Variants in LMO4 observed in about 807,000 individuals in gnomAD.
LMO4 encodes the protein LIM domain transcription factor LMO4.
In LMO4, 3 loss-of-function variants were observed where a neutral mutation model predicts 18.5. That is an observed-to-expected ratio of 0.16 (90% CI 0.07 to 0.42). The LOEUF is 0.42. Ranked by LOEUF, LMO4 falls within the 10% of genes least tolerant of loss-of-function variation. LMO4 has a pLI of 0.99. For missense variants in LMO4, 121 were observed against 219.9 expected, an observed-to-expected ratio of 0.55 and a Z score of 2.84; for synonymous variants, 100 against 88.1, an observed-to-expected ratio of 1.14 and a Z score of -0.76.
intron 2 of LMO4, among the ~76,000 whole-genome samples, chr1:87,337,150 T>C (rs899879393): frequency 2.0e-5 from 3 of 152,220 alleles, no homozygotes; most frequent in African/African-American, 7.2e-5. Flanking sequence ...GATACGTTGT[T>C]CAATAGCACA....
chr1:87,332,368 A>G, intron 2 of LMO4, 117 bp downstream of exon 2: 1 of 736,112 alleles, frequency 1.4e-6, no homozygotes, highest in South Asian at 1.9e-5. Flanking sequence ...CTTCACCTCA[A>G]AAATCTTCTA....
At chr1:87,344,661 C>A in intron 4 of LMO4, 127 bp from the exon 5 acceptor site, 2 of 913,228 alleles carry the variant, frequency 2.2e-6, no homozygotes, top group South Asian at 2.9e-5. Flanking sequence ...TCTATCAAGT[C>A]ACAGTTGGAA....
intron 2 of LMO4, among the ~76,000 whole-genome samples, chr1:87,337,200 CTG>C (rs1459081444): frequency 3.4e-5 from 5 of 148,888 alleles, no homozygotes; most frequent in Non-Finnish European, 6.0e-5. Flanking sequence ...AACTTTGTAA[CTG>C]TAATTTTTGG....
At chr1:87,339,681 C>T (rs747825032) in intron 3 of LMO4, 49 bp downstream of exon 3, 5 of 1,193,768 alleles carry the variant, frequency 4.2e-6, no homozygotes, top group Admixed American at 3.8e-5. Context: ...TCATACCTTT[C>T]CTACCTACAT....
At chr1:87,335,963 C>G (rs1038016350) in intron 2 of LMO4, among the ~76,000 whole-genome samples, 2 of 150,778 alleles carry the variant, frequency 1.3e-5, no homozygotes, top group African/African-American at 4.9e-5. Context: ...AGAATTAATT[C>G]AAGGCCTCCA....
chr1:87,335,021 G>A (rs1290834821), intron 2 of LMO4, among the ~76,000 whole-genome samples: 2 of 145,234 alleles, frequency 1.4e-5, no homozygotes, highest in South Asian at 2.2e-4. Context: ...CTCTAAGAGA[G>A]GGAGGGAAAG....
intron 2 of LMO4, among the ~76,000 whole-genome samples, chr1:87,337,076 C>G (rs1000525030): frequency 2.6e-5 from 4 of 152,170 alleles, no homozygotes; most frequent in African/African-American, 7.2e-5. Flanking sequence ...TGTATAGACA[C>G]GTAAGTTATT....
rs1650171431 is a variant in LMO4 at position 87,332,052 on chromosome 1, G to A, written c.37G>A (p.Val13Met). Reference sequence around the variant, plus strand: ...GGGCAGCAGCTCGCAGCCGCCCCCGGTGACGGCCGGCTCCCTCTCCTGGAA... The same window carrying A: ...GGGCAGCAGCTCGCAGCCGCCCCCGATGACGGCCGGCTCCCTCTCCTGGAA... ...NPGSSSQPPP[V>M]TAGSLSWKRC... Residue 13 changes from valine (V) to methionine (M), a missense_variant, in exon 2 of 5, where the codon GTG (valine) becomes ATG (methionine). By Grantham distance (21) the Val-to-Met change is conservative (BLOSUM62 1). Coordinates refer to ENST00000370544, the MANE Select transcript of LMO4 (RefSeq NM_006769.4). 1 of 1,613,202 alleles carries A rather than the reference G, an allele frequency of 6.2e-7. No individual in the cohort carries two copies. Among genetic ancestry groups the A allele is most frequent in the African/African-American group, 1.3e-5 (1 of 74,932 alleles).
intron 2 of LMO4, among the ~76,000 whole-genome samples, chr1:87,335,873 A>C (rs75892702): frequency 6.7e-6 from 1 of 148,794 alleles, no homozygotes; most frequent in Non-Finnish European, 1.5e-5. Context: ...ATTAGCTAGA[A>C]AAAAAAAAAA....
chr1:87,336,986 A>G lies in LMO4; in HGVS notation c.237-2550A>G, dbSNP rs748203654. On this transcript the variant is annotated intron_variant, in intron 2 of 4. Transcript: ENST00000370544. ...AGAAACGTTGTGAAAAAACACACAC[A>G]CACACGCACACACAACTTTTCAGAA... Among the ~76,000 whole-genome samples the G allele has an allele frequency of 7.2e-5, 11 of 152,274 alleles. No homozygotes were observed. In the South Asian group the frequency reaches 2.3e-3, roughly 32 times the overall value.
At chr1:87,341,146 C>T (rs113078421) in intron 4 of LMO4, among the ~76,000 whole-genome samples, 5 of 152,250 alleles carry the variant, frequency 3.3e-5, no homozygotes, top group African/African-American at 1.2e-4. Context: ...ATGTATGACT[C>T]GTGTGCATAA....
In LMO4 at chr1:87,344,796, A is replaced by G; in HGVS notation, c.498A>G (p.Ter166=). ...GTTTTTATTTCTTGCAGGTCTGCTA[A>G]AAGGTCAGAGTAATGCAGAATGCGT... The part of the protein sequence containing the change: ...NPLLPDQKVC[*] The change falls in exon 5 of 5, where the codon TAA becomes TAG. Residue 166 remains the stop codon, a stop_retained_variant. Transcript: ENST00000370544. 1 of 1,613,934 alleles carries G rather than the reference A, an allele frequency of 6.2e-7. No homozygotes were observed. Among genetic ancestry groups the G allele is most frequent in the South Asian group, 1.1e-5 (1 of 91,076 alleles).
intron 4 of LMO4, among the ~76,000 whole-genome samples, chr1:87,341,739 C>T (rs1650504765): frequency 6.6e-6 from 1 of 152,076 alleles, no homozygotes; most frequent in South Asian, 2.1e-4. Flanking sequence ...ATATGGGGAG[C>T]TACATAGAAT....
At position 87,335,312 on chromosome 1, in the gene LMO4, C is replaced by G. The variant is rs1163044807; in HGVS notation, c.236+3061C>G. ...AGTTCGGAGACCGGCGGGTGGGGCT[C>G]CAGGTCCGGGGAGGGCGAGGAAACG... On this transcript the variant is annotated intron_variant, in intron 2 of 4. Coordinates refer to ENST00000370544, the MANE Select transcript of LMO4 (RefSeq NM_006769.4). Among the ~76,000 whole-genome samples, 3 of 152,130 alleles carry G rather than the reference C, an allele frequency of 2.0e-5. 1 individual carries two copies. The highest frequency in any genetic ancestry group is 7.2e-5 in the African/African-American group (3 of 41,452).
chr1:87,345,436 G>A lies in LMO4; in HGVS notation c.*640G>A, dbSNP rs966503895. 2 of 151,558 alleles carry A rather than the reference G, an allele frequency of 1.3e-5. No individual in the cohort carries two copies. Among genetic ancestry groups the A allele is most frequent in the Non-Finnish European group, 2.9e-5 (2 of 67,946 alleles). 9.4% of individuals were successfully genotyped at this position (151,558 alleles called of 1,614,324 possible). ...AAAAAAATTTGGAAAAAAAAATCAGGCTCATAGCAGCTACTGTGTAGAAAA... is the reference window on the plus strand; with the variant it reads ...AAAAAAATTTGGAAAAAAAAATCAGACTCATAGCAGCTACTGTGTAGAAAA... On this transcript the variant is annotated 3_prime_UTR_variant, in exon 5 of 5. Transcript: ENST00000370544.
rs1165469466 is a variant in LMO4 at position 87,329,107 on chromosome 1, C to T, written c.-141C>T. ...AAAGCCGCCCTTAGCCCCCTCCTCC[C>T]CTTTCCTGCTTCTGCGAGAACTCCC... On this transcript the variant is annotated 5_prime_UTR_variant, in exon 1 of 5. Transcript: ENST00000370544. The T allele has an allele frequency of 2.0e-5, 3 of 151,770 alleles. No individual in the cohort carries two copies. Among genetic ancestry groups the T allele is most frequent in the African/African-American group, 7.3e-5 (3 of 41,044 alleles). 9.4% of individuals were successfully genotyped at this position (151,770 alleles called of 1,614,324 possible).
At chr1:87,339,990 A>G in intron 3 of LMO4, 57 bp from the exon 4 acceptor site, 1 of 1,572,134 alleles carries the variant, frequency 6.4e-7, no homozygotes, top group Non-Finnish European at 8.7e-7. Context: ...TAAACTTGTG[A>G]CCAAAAAAAG....
chr1:87,340,112 C>T lies in LMO4; in HGVS notation c.399C>T (p.Gly133=). 3 of 1,614,082 alleles carry T rather than the reference C, an allele frequency of 1.9e-6. No individual in the cohort carries two copies. Residue 133 remains glycine, a synonymous_variant, in exon 4 of 5, where the codon GGC becomes GGT. Transcript: ENST00000370544. ...GAGATCGGTTTCACTACATCAATGGCAGTTTATTTTGTGAACATGATAGAC... is the reference window on the plus strand; with the variant it reads ...GAGATCGGTTTCACTACATCAATGGTAGTTTATTTTGTGAACATGATAGAC... ...VPGDRFHYIN[G]SLFCEHDRPT...
rs779829942 is a variant in LMO4, at chr1:87,344,846, A to G, written c.*50A>G. 3.7e-6 allele frequency: 6 copies of G among 1,600,706 alleles called. No individual in the cohort carries two copies. The East Asian group carries it at 1.3e-4, about 36-fold the overall frequency. On this transcript the variant is annotated 3_prime_UTR_variant, in exon 5 of 5. Transcript: ENST00000370544. ...TGCCTTCATCTCAGATTTGTTCATC[A>G]CAGGTGGATCCCATGTGTCTTCAGT...
Sources: gnomAD v4.1 joint callset for allele counts (sites outside exome capture counted in the v4.1 genomes callset) on GRCh38, gnomAD v4.1.1 for gene constraint, MANE v1.5 for transcripts, NCBI Gene and HGNC (gene_info 2026-07-23, HGNC 2026-07-21) for gene names.